ABCA10: variants seen among roughly 807,000 people sequenced by gnomAD.
ABCA10 encodes ATP binding cassette subfamily A member 10.
A neutral mutation model predicts 187.5 loss-of-function variants in ABCA10; 169 were observed. That is an observed-to-expected ratio of 0.90 (90% CI 0.80 to 1.02). The LOEUF (loss-of-function observed/expected upper bound fraction) is 1.02. Ranked by LOEUF, ABCA10 falls within the 50% of genes least tolerant of loss-of-function variation. The pLI is 0.00. For missense variants in ABCA10, 1,727 were observed against 1,812.4 expected (o/e 0.95, Z 0.86); for synonymous variants, 574 against 601.8 (o/e 0.95, Z 0.68).
Position 69,185,493 on chromosome 17 carries a change from T to C in ABCA10, c.2481A>G (p.Leu827=), listed in dbSNP as rs201093798. Residue 827 remains leucine, a synonymous_variant, in exon 20 of 39, where the codon TTA becomes TTG. Coordinates refer to ENST00000690296, the MANE Select transcript of ABCA10 (RefSeq NM_001377321.1). ...QIPKTPLTSL[L]IVNNTGSNIE... ...ATTTCTCACCTGTATTATTAACGAT[T>C]AACAGGCTGGTAAGAGGCGTCTTCG... 1,320 of 1,612,894 alleles carry C rather than the reference T, an allele frequency of 8.2e-4. 4 individuals are homozygous for C. The highest frequency in any genetic ancestry group is 3.6e-4 in the Non-Finnish European group (423 of 1,179,400).
At chr17:69,150,280 G>A (rs2074118359) in intron 36 of ABCA10, 2 of 442,384 alleles carry the variant, frequency 4.5e-6, no homozygotes, top group Admixed American at 7.9e-5. Context: ...GATAAATTCT[G>A]AGAAATAGCT....
chr17:69,201,466 A>G (rs761046841), intron 10 of ABCA10, 34 bp downstream of exon 10: 33 of 1,492,826 alleles, frequency 2.2e-5, no homozygotes, highest in Middle Eastern at 1.8e-4. Flanking sequence ...GCTTTTACCT[A>G]TAAGTGTACA....
At chr17:69,153,213 G>C (rs1043862814) in intron 34 of ABCA10, 92 bp downstream of exon 34, 7 of 1,471,112 alleles carry the variant, frequency 4.8e-6, no homozygotes, top group Non-Finnish European at 6.4e-6. Context: ...GGTTAATGGA[G>C]CAAAATGTAA....
chr17:69,180,395 T>C (rs768791127), intron 22 of ABCA10, among the ~76,000 whole-genome samples: 3 of 152,050 alleles, frequency 2.0e-5, no homozygotes, highest in Non-Finnish European at 4.4e-5. Flanking sequence ...TGAAAAACAA[T>C]GACAAACTGA....
intron 9 of ABCA10, among the ~76,000 whole-genome samples, chr17:69,212,103 G>A (rs917829771): frequency 4.6e-5 from 7 of 152,082 alleles, no homozygotes; most frequent in African/African-American, 1.4e-4. Flanking sequence ...ACTTTTTGAT[G>A]TAGGTATTTT....
chr17:69,191,332 G>A lies in ABCA10; in HGVS notation c.1872-17C>T. ...CTGTGTAAACTATTATTTCAAAAGA[G>A]CCATAAGTCTCTTGAATTCTTTTCC... On this transcript the variant is annotated splice_polypyrimidine_tract_variant and intron_variant, in intron 16 of 38. Coordinates refer to ENST00000690296, the MANE Select transcript of ABCA10 (RefSeq NM_001377321.1). 6.6e-7 allele frequency: 1 copy of A among 1,511,662 alleles called. No homozygotes were observed. The highest frequency in any genetic ancestry group is 1.3e-5 in the South Asian group (1 of 74,492). The allele number at this position is 1,511,662 out of a possible 1,614,324, so 93.6% of individuals were successfully genotyped here. A position where few individuals can be genotyped will look rare whatever the true frequency, so the allele number is the denominator to read the frequency against.
At position 69,225,383 on chromosome 17, in the gene ABCA10, T is replaced by G; in HGVS notation, c.-25A>C. On this transcript the variant is annotated 5_prime_UTR_variant, in exon 3 of 39. Transcript: ENST00000690296. ...TTATCCTTTGTGTTATGTTACTGACTGGTGTATATGCCACTACCAGGCCAG... is the reference window on the plus strand; with the variant it reads ...TTATCCTTTGTGTTATGTTACTGACGGGTGTATATGCCACTACCAGGCCAG... The G allele has an allele frequency of 6.2e-7, 1 of 1,612,450 alleles. No homozygotes were observed. Among genetic ancestry groups the G allele is most frequent in the Non-Finnish European group, 8.5e-7 (1 of 1,178,928 alleles).
upstream of ABCA10, among the ~76,000 whole-genome samples, chr17:69,231,654 T>A (rs2049814435): frequency 6.6e-6 from 1 of 152,176 alleles, no homozygotes; most frequent in African/African-American, 2.4e-5. Flanking sequence ...TTTGATTCTT[T>A]TAAACTTGAT....
At chr17:69,176,411 C>CA (rs11320699) in intron 22 of ABCA10, among the ~76,000 whole-genome samples, 19 of 150,146 alleles carry the variant, frequency 1.3e-4, no homozygotes, top group East Asian at 1.2e-3. Flanking sequence ...ATTATTATGA[C>CA]AAAAAAAATC....
chr17:69,182,622 G>T, intron 21 of ABCA10, 53 bp downstream of exon 21: 1 of 1,507,182 alleles, frequency 6.6e-7, no homozygotes, highest in South Asian at 1.4e-5. Flanking sequence ...TTAGGACGTG[G>T]CAAAAAAAAC....
Position 69,194,452 on chromosome 17 carries a change from A to G in ABCA10, c.1278T>C (p.Leu426=). 6.2e-7 allele frequency: 1 copy of G among 1,613,256 alleles called. No homozygotes were observed. Among genetic ancestry groups the G allele is most frequent in the South Asian group, 1.1e-5 (1 of 91,010 alleles). Residue 426 remains leucine (L), a synonymous_variant, in exon 12 of 39, where the codon CTT becomes CTC. Coordinates refer to ENST00000690296, the MANE Select transcript of ABCA10 (RefSeq NM_001377321.1). ...DIYEGQITAI[L]GHNGAGKSTL... Reference sequence around the variant, plus strand: ...TTGATTTACCAGCTCCATTATGCCCAAGTATTGCAGTGATCTGTCCTTCAT... The same window carrying G: ...TTGATTTACCAGCTCCATTATGCCCGAGTATTGCAGTGATCTGTCCTTCAT...
At position 69,168,310 on chromosome 17, in the gene ABCA10, G is replaced by A. The variant is rs115043042; in HGVS notation, c.3163-3227C>T. 9.1e-3 allele frequency among the ~76,000 whole-genome samples: 1,391 copies of A among 152,146 alleles called. 15 individuals carry two copies. The highest frequency in any genetic ancestry group is 0.03 in the African/African-American group (1,264 of 41,506). On this transcript the variant is annotated intron_variant, in intron 25 of 38. Coordinates refer to ENST00000690296, the MANE Select transcript of ABCA10 (RefSeq NM_001377321.1). ...GGGGGTTGGTGCCTCTTACTCCGACGTTGTTCAAGGGTCAAATATATTTTG... is the reference window on the plus strand; with the variant it reads ...GGGGGTTGGTGCCTCTTACTCCGACATTGTTCAAGGGTCAAATATATTTTG...
At position 69,174,319 on chromosome 17, in the gene ABCA10, T is replaced by A. The variant is rs2074317417; in HGVS notation, c.3124A>T (p.Arg1042Ter). ...YVLSFIFRKW[R>*]KNNGFWSFGF... Reference sequence around the variant, plus strand: ...AAAGACCAAAAGCCATTATTTTTTCTCCACTTGCGAAAGATGAATGAAAGC... The same window carrying A: ...AAAGACCAAAAGCCATTATTTTTTCACCACTTGCGAAAGATGAATGAAAGC... Residue 1042 changes from arginine (R) to a stop codon, truncating the protein, a stop_gained, in exon 25 of 39, where the codon AGA (arginine) becomes TGA (stop). Coordinates refer to ENST00000690296, the MANE Select transcript of ABCA10 (RefSeq NM_001377321.1). LOFTEE classifies it high-confidence loss of function. The A allele has an allele frequency of 6.2e-7, 1 of 1,609,552 alleles. No homozygotes were observed. The highest frequency in any genetic ancestry group is 2.2e-5 in the East Asian group (1 of 44,798).
At chr17:69,196,979 C>T (rs1396040957) in intron 11 of ABCA10, 85 bp downstream of exon 11, 28 of 984,240 alleles carry the variant, frequency 2.8e-5, no homozygotes, top group Middle Eastern at 6.9e-4. Flanking sequence ...GTCCAGCCTC[C>T]GCTTGGCATC....
At chr17:69,151,184 T>C (rs576737879) in intron 36 of ABCA10, among the ~76,000 whole-genome samples, 1 of 152,286 alleles carries the variant, frequency 6.6e-6, no homozygotes, top group African/African-American at 2.4e-5. Flanking sequence ...TTTTGTTTCA[T>C]CCTTGACATT....
intron 27 of ABCA10, among the ~76,000 whole-genome samples, chr17:69,163,685 ATT>A (rs1365566983): frequency 2.6e-5 from 4 of 152,214 alleles, no homozygotes; most frequent in Non-Finnish European, 5.9e-5. Context: ...ATTCGCTTTC[ATT>A]GTCTTTCCCC....
At chr17:69,178,554 C>G (rs1267940252) in intron 22 of ABCA10, among the ~76,000 whole-genome samples, 1 of 152,118 alleles carries the variant, frequency 6.6e-6, no homozygotes, top group Admixed American at 6.5e-5. Context: ...GTGGAAGCAC[C>G]TCTGGTCTAT....
upstream of ABCA10, among the ~76,000 whole-genome samples, chr17:69,230,790 A>T (rs924114397): frequency 1.3e-5 from 2 of 152,148 alleles, no homozygotes; most frequent in Non-Finnish European, 2.9e-5. Context: ...ACACCACTGC[A>T]GAATCCTTCG....
chr17:69,151,208 C>A (rs2074125611), intron 36 of ABCA10, among the ~76,000 whole-genome samples: 1 of 152,152 alleles, frequency 6.6e-6, no homozygotes. Context: ...AGAATTCATT[C>A]TTGACCTAAG....
Sources: gnomAD v4.1 joint callset for allele counts (sites outside exome capture counted in the v4.1 genomes callset) on GRCh38, gnomAD v4.1.1 for gene constraint, MANE v1.5 for transcripts, NCBI Gene and HGNC (gene_info 2026-07-23, HGNC 2026-07-21) for gene names.